The following DISP3 variants were observed in gnomAD, a reference collection of about 807,000 sequenced individuals.
DISP3 encodes the protein dispatched RND transporter family member 3, also known as protein dispatched homolog 3.
Under a neutral mutation model 135.3 loss-of-function variants are expected in DISP3, and 101 were observed. That is an observed-to-expected ratio of 0.75 (90% CI 0.64 to 0.88). DISP3 has a LOEUF of 0.88. Ranked by LOEUF, DISP3 falls within the 40% of genes least tolerant of loss-of-function variation. The pLI, the probability that DISP3 is intolerant of heterozygous loss-of-function variation, is 0.00. For missense variants in DISP3, 1,713 were observed against 1,878.6 expected, an observed-to-expected ratio of 0.91 and a Z score of 1.63; for synonymous variants, 856 against 817.0, an observed-to-expected ratio of 1.05 and a Z score of -0.81.
chr1:11,533,207 C>T (rs2745298), intron 17 of DISP3, among the ~76,000 whole-genome samples: 20,019 of 150,978 alleles, frequency 0.13, 1,629 homozygotes, highest in East Asian at 0.44. Context: ...CTCTGGGGGC[C>T]TCATGTGAAT....
In DISP3 at chr1:11,501,503, GC is replaced by G; in HGVS notation, c.517del (p.Arg173AlafsTer54). ...LGNRSRQASR[A>X]PRVIPAASLG... is the part of the protein sequence containing the mutation. ...CAACCGCTCGCGGCAAGCCTCCCGA[GC>G]CCCCCGCGTCATCCCCGCGGCCTCA... On this transcript the variant is annotated frameshift_variant, in exon 2 of 21. Transcript: ENST00000294484. LOFTEE classifies it high-confidence loss of function. The surrounding 1 kb of genome is among the most constrained non-coding windows in gnomAD (Gnocchi z 4.9). The G allele has an allele frequency of 1.9e-6, 3 of 1,606,240 alleles. No homozygotes were observed. Among genetic ancestry groups the G allele is most frequent in the Non-Finnish European group, 2.6e-6 (3 of 1,176,308 alleles).
chr1:11,536,941 C>A lies in DISP3; in HGVS notation c.*255C>A, dbSNP rs964044048. ...GCTTTTTGCCCAGTGGCAGAAGAGA[C>A]CAGCCCTCCTCCCATGCCCGGTCAC... On this transcript the variant is annotated 3_prime_UTR_variant, in exon 21 of 21. Transcript: ENST00000294484. This position sits in a 1 kb window ranked among gnomAD's most constrained non-coding sequence, Gnocchi z 4.3. The A allele has an allele frequency of 1.4e-5, 8 of 552,138 alleles. No individual in the cohort carries two copies. Among genetic ancestry groups the A allele is most frequent in the Admixed American group, 3.4e-5 (1 of 29,258 alleles). The allele number at this position is 552,138 out of a possible 1,614,324, so 34.2% of individuals were successfully genotyped here. A position where few individuals can be genotyped will look rare whatever the true frequency, so the allele number is the denominator to read the frequency against.
intron 11 of DISP3, among the ~76,000 whole-genome samples, chr1:11,524,648 A>G (rs1326062244): frequency 6.6e-5 from 2 of 30,500 alleles, no homozygotes; most frequent in African/African-American, 3.1e-4. Context: ...CATCCCTCCT[A>G]CCCCATCCCT....
Position 11,535,660 on chromosome 1 carries a change from G to A in DISP3, c.3816+16G>A, listed in dbSNP as rs376570434. On this transcript the variant is annotated intron_variant, in intron 20 of 20. Transcript: ENST00000294484. ...CCAGGCCGAGGTGCGCACCCTGCCCGCCTTACCCACTTCCCACCACATTGG... is the reference window on the plus strand; with the variant it reads ...CCAGGCCGAGGTGCGCACCCTGCCCACCTTACCCACTTCCCACCACATTGG... 1.2e-4 allele frequency: 195 copies of A among 1,603,410 alleles called. 1 individual carries two copies. The South Asian group carries it at 1.6e-3, about 13-fold the overall frequency.
chr1:11,520,793 G>A lies in DISP3; in HGVS notation c.2307G>A (p.Leu769=), dbSNP rs778627277. The A allele has an allele frequency of 1.2e-6, 2 of 1,613,396 alleles. No individual in the cohort carries two copies. The highest frequency in any genetic ancestry group is 4.5e-5 in the East Asian group (2 of 44,870). ...LFRPDTNIQV[L]LDLKYNLSAE... ...GGCCTGATACCAACATCCAGGTGCT[G>A]CTGGACCTCAAGTACAACCTGAGCG... The change falls in exon 10 of 21, where the codon CTG becomes CTA. Residue 769 remains leucine (L), a synonymous_variant. Transcript: ENST00000294484. The surrounding 1 kb of genome is among the most constrained non-coding windows in gnomAD (Gnocchi z 4.8).
intron 4 of DISP3, among the ~76,000 whole-genome samples, chr1:11,514,749 C>T (rs1347410119): frequency 1.3e-5 from 2 of 152,238 alleles, no homozygotes; most frequent in Non-Finnish European, 2.9e-5. Flanking sequence ...ACCCTGGGCC[C>T]CTGCACAGTT....
rs1463846497 is a variant in DISP3, at chr1:11,491,039, C to T, written c.-3-9951C>T. The stretch of plus-strand genomic sequence containing the variant: ...GTGCTGTTTGTATCCCCCTGTCTGG[C>T]TGGCCCAAATGCCATCATTTCTTCC... On this transcript the variant is annotated intron_variant, in intron 1 of 20. Transcript: ENST00000294484. This position sits in a 1 kb window ranked among gnomAD's most constrained non-coding sequence, Gnocchi z 4.3. Among the ~76,000 whole-genome samples, 1 of 152,180 alleles carries T rather than the reference C, an allele frequency of 6.6e-6. No homozygotes were observed. Among genetic ancestry groups the T allele is most frequent in the Admixed American group, 6.5e-5 (1 of 15,284 alleles).
chr1:11,485,328 A>G (rs1641008529), intron 1 of DISP3, among the ~76,000 whole-genome samples: 1 of 152,114 alleles, frequency 6.6e-6, no homozygotes, highest in Non-Finnish European at 1.5e-5. Flanking sequence ...TGGTAGGAGG[A>G]GGGTGCAGTG....
Position 11,533,617 on chromosome 1 carries a change from A to G in DISP3, c.3376-764A>G. 8.0e-6 allele frequency: 5 copies of G among 621,580 alleles called. No homozygotes were observed. The South Asian group carries it at 9.1e-5, about 11-fold the overall frequency. 38.5% of individuals were successfully genotyped at this position (621,580 alleles called of 1,614,324 possible). ...CATGTTGCAGCAAGTGTCAGAACTC[A>G]CCTCCCTCTGCAGACTGAAGCCCCA... On this transcript the variant is annotated intron_variant, in intron 17 of 20. Coordinates refer to ENST00000294484, the MANE Select transcript of DISP3 (RefSeq NM_020780.2).
In DISP3 at chr1:11,535,067, G is replaced by A; in HGVS notation, c.3592G>A (p.Val1198Met). 1 of 1,608,430 alleles carries A rather than the reference G, an allele frequency of 6.2e-7. No individual in the cohort carries two copies. The highest frequency in any genetic ancestry group is 8.5e-7 in the Non-Finnish European group (1 of 1,178,470). ...VLSLLICVAA[V>M]AVFTTHILLL... is the part of the protein sequence containing the mutation. ...ATCCCTGCTCATCTGCGTGGCCGCG[G>A]TGGCCGTGTTCACCACCCACATCCT... is the stretch of plus-strand genomic sequence containing the variant. The change falls in exon 19 of 21, where the codon GTG (valine) becomes ATG (methionine). Residue 1198 changes from valine (V) to methionine (M), a missense_variant. Val to Met is a conservative substitution (Grantham distance 21). Around this residue, in one of 2 missense-constraint regions of DISP3, gnomAD observed 1,142 missense variants for 1,384.6 expected, o/e 0.82. Transcript: ENST00000294484.
intron 4 of DISP3, 21 bp downstream of exon 4, chr1:11,514,547 GC>G: frequency 6.2e-7 from 1 of 1,608,320 alleles, no homozygotes; most frequent in Admixed American, 1.7e-5. Context: ...TCTCAAGCCA[GC>G]CCCCTCCTCC....
intron 6 of DISP3, among the ~76,000 whole-genome samples, 154 bp from the exon 7 acceptor site, chr1:11,517,309 T>G (rs1304102566): frequency 6.6e-6 from 1 of 152,230 alleles, no homozygotes; most frequent in Non-Finnish European, 1.5e-5. Context: ...CCTGTGAGGC[T>G]AGTGCCTGGC....
intron 10 of DISP3, among the ~76,000 whole-genome samples, chr1:11,522,922 A>AAGGACCCAGCC (rs1315840465): frequency 1.8e-3 from 40 of 22,634 alleles, no homozygotes; most frequent in African/African-American, 6.4e-3. Context: ...AGGACCCAGC[A>AAGGACCCAGCC]AGGACCCAGC....
intron 1 of DISP3, among the ~76,000 whole-genome samples, chr1:11,493,646 C>A (rs1486339373): frequency 6.6e-6 from 1 of 152,088 alleles, no homozygotes. Flanking sequence ...ATCATTTGAA[C>A]CTCAGAGGTG....
Position 11,531,062 on chromosome 1 carries a change from C to G in DISP3, c.3229+29C>G, listed in dbSNP as rs1642564327. ...CGTGGGGTGTGGGGAGCTGGTTCCT[C>G]CGAGGGAGGATGGACTGACTGGGGA... On this transcript the variant is annotated intron_variant, in intron 16 of 20. Transcript: ENST00000294484. This position sits in a 1 kb window ranked among gnomAD's most constrained non-coding sequence, Gnocchi z 5.2. 3 of 1,610,874 alleles carry G rather than the reference C, an allele frequency of 1.9e-6. No individual in the cohort carries two copies. The highest frequency in any genetic ancestry group is 1.3e-5 in the African/African-American group (1 of 74,880).
intron 15 of DISP3, among the ~76,000 whole-genome samples, chr1:11,530,265 C>G (rs970652255): frequency 4.6e-5 from 7 of 152,240 alleles, no homozygotes; most frequent in African/African-American, 1.4e-4. Context: ...TTGCCCTCCC[C>G]CTTCCTCTGA....
At position 11,523,621 on chromosome 1, in the gene DISP3, C is replaced by T. The variant is rs376657176; in HGVS notation, c.2363-321C>T. On this transcript the variant is annotated intron_variant, in intron 10 of 20. Coordinates refer to ENST00000294484, the MANE Select transcript of DISP3 (RefSeq NM_020780.2). Reference sequence around the variant, plus strand: ...AGCAGGGGGCAGAGTGGCACAGAGACGGCGAGCAGGGGGCAGAGTGGCACA... The same window carrying T: ...AGCAGGGGGCAGAGTGGCACAGAGATGGCGAGCAGGGGGCAGAGTGGCACA... 1.5e-3 allele frequency among the ~76,000 whole-genome samples: 134 copies of T among 90,604 alleles called. 1 individual carries two copies. The highest frequency in any genetic ancestry group is 1.3e-3 in the Admixed American group (10 of 7,968). 59.4% of individuals were successfully genotyped at this position (90,604 alleles called of 152,430 possible). A position where few individuals can be genotyped will look rare whatever the true frequency, so the allele number is the denominator to read the frequency against.
chr1:11,525,258 G>C lies in DISP3; in HGVS notation c.2559G>C (p.Leu853=), dbSNP rs745663902. The part of the protein sequence containing the change: ...AVYRLSLNAS[L]PAPWQAVSPG... ...ACAGGCTCTCCCTCAATGCCAGCCT[G>C]CCTGCTCCTTGGCAGGCTGTGTCGC... Residue 853 remains leucine (L), a synonymous_variant, in exon 12 of 21, where the codon CTG becomes CTC. Transcript: ENST00000294484. 3.1e-6 allele frequency: 5 copies of C among 1,613,958 alleles called. No homozygotes were observed. Among genetic ancestry groups the C allele is most frequent in the Non-Finnish European group, 3.4e-6 (4 of 1,179,966 alleles).
chr1:11,492,072 A>C (rs1274431965), intron 1 of DISP3, among the ~76,000 whole-genome samples: 1 of 141,340 alleles, frequency 7.1e-6, no homozygotes, highest in Non-Finnish European at 1.5e-5. Context: ...CAGTGAGCCG[A>C]GATCCCGCCA....
Sources: gnomAD v4.1 joint callset for allele counts (sites outside exome capture counted in the v4.1 genomes callset) on GRCh38, gnomAD v4.1.1 for gene constraint, gnomAD v4.1.1 regional missense constraint, Gnocchi (gnomAD v3.1) non-coding constraint, MANE v1.5 for transcripts, NCBI Gene and HGNC (gene_info 2026-07-23, HGNC 2026-07-21) for gene names.